PPHLN1: variants seen among roughly 807,000 people sequenced by gnomAD.
PPHLN1 encodes periphilin-1.
Under a neutral mutation model 51.3 loss-of-function variants are expected in PPHLN1, and 29 were observed. The ratio of observed to expected loss-of-function variants is 0.57; its 90% CI spans 0.42 to 0.77. The LOEUF is 0.77. Ranked by LOEUF, PPHLN1 falls within the 30% of genes least tolerant of loss-of-function variation. The pLI is 0.00. For synonymous variants in PPHLN1, 147 were observed against 147.8 expected, an observed-to-expected ratio of 0.99 and a Z score of 0.04; for missense variants, 436 against 438.4, an observed-to-expected ratio of 0.99 and a Z score of 0.05.
At chr12:42,370,592 C>T (rs754849813) in intron 4 of PPHLN1, among the ~76,000 whole-genome samples, 25 of 152,026 alleles carry the variant, frequency 1.6e-4, no homozygotes, top group Admixed American at 5.2e-4. Flanking sequence ...TTGTGTCTTG[C>T]GTTATCAGTT....
chr12:42,414,803 C>T (rs2080224946), intron 9 of PPHLN1, among the ~76,000 whole-genome samples: 1 of 152,216 alleles, frequency 6.6e-6, no homozygotes, highest in Admixed American at 6.5e-5. Flanking sequence ...GCTAGGCCTA[C>T]TCCATTGAAT....
chr12:42,425,383 G>A (rs377606113), intron 9 of PPHLN1, among the ~76,000 whole-genome samples: 62 of 148,124 alleles, frequency 4.2e-4, no homozygotes, highest in Middle Eastern at 3.8e-3. Context: ...GAGCCACTGC[G>A]CCCAGCCTAT....
chr12:42,401,066 C>A (rs531412100), intron 9 of PPHLN1, among the ~76,000 whole-genome samples: 2 of 152,114 alleles, frequency 1.3e-5, no homozygotes, highest in South Asian at 4.1e-4. Flanking sequence ...ATGTCACATG[C>A]CAGGTTTGAG....
rs10643805 is a variant in PPHLN1 at position 42,360,110 on chromosome 12, C to CAAAAAAAAAAAAAAAAAA, written c.299+4901_299+4902insAAAAAAAAAAAAAAAAAA. On this transcript the variant is annotated intron_variant, in intron 4 of 9. Transcript: ENST00000358314. ...TGGGTGACAGAGCAAGACTCCATCT[C>CAAAAAAAAAAAAAAAAAA]AAAAAAAAAAAAAGAAAAATTGCAA... Among the ~76,000 whole-genome samples, 200 of 123,004 alleles carry CAAAAAAAAAAAAAAAAAA rather than the reference C, an allele frequency of 1.6e-3. 2 individuals are homozygous for CAAAAAAAAAAAAAAAAAA. The highest frequency in any genetic ancestry group is 5.7e-3 in the African/African-American group (172 of 30,052). The allele number at this position is 123,004 out of a possible 152,430, so 80.7% of individuals were successfully genotyped here.
intron 1 of PPHLN1, among the ~76,000 whole-genome samples, chr12:42,326,628 T>C (rs893253550): frequency 6.6e-6 from 1 of 151,774 alleles, no homozygotes; most frequent in Non-Finnish European, 1.5e-5. Context: ...CTCAGTCTAG[T>C]TGGGGAGACG....
At chr12:42,391,719 A>C (rs905061052) in intron 7 of PPHLN1, among the ~76,000 whole-genome samples, 3 of 152,188 alleles carry the variant, frequency 2.0e-5, no homozygotes, top group Admixed American at 1.3e-4. Flanking sequence ...ATTACTGAGT[A>C]ATAATAAAAG....
intron 4 of PPHLN1, chr12:42,355,823 G>A (rs1033772264): frequency 6.6e-6 from 1 of 151,920 alleles, no homozygotes. Context: ...TGTGTGGTAT[G>A]GATTATGAGG....
At chr12:42,389,909 T>C (rs1396654475) in intron 7 of PPHLN1, among the ~76,000 whole-genome samples, 1 of 152,220 alleles carries the variant, frequency 6.6e-6, no homozygotes, top group Non-Finnish European at 1.5e-5. Flanking sequence ...AGGACATAGC[T>C]ACCCCTCACT....
intron 4 of PPHLN1, among the ~76,000 whole-genome samples, chr12:42,365,765 CCTAA>C (rs1168248520): frequency 2.0e-5 from 3 of 152,152 alleles, no homozygotes; most frequent in Non-Finnish European, 4.4e-5. Context: ...AAGACACTGT[CCTAA>C]CTCTCAGGCT....
rs1593056523 is a variant in PPHLN1, at chr12:42,441,842, T to C, written c.*333T>C. The C allele has an allele frequency of 9.7e-7, 1 of 1,027,012 alleles. No individual in the cohort carries two copies. The highest frequency in any genetic ancestry group is 8.6e-5 in the East Asian group (1 of 11,650). The allele number at this position is 1,027,012 out of a possible 1,614,324, so 63.6% of individuals were successfully genotyped here. A position where few individuals can be genotyped will look rare whatever the true frequency, so the allele number is the denominator to read the frequency against. On this transcript the variant is annotated 3_prime_UTR_variant, in exon 10 of 10. Coordinates refer to ENST00000358314, the MANE Select transcript of PPHLN1 (RefSeq NM_201439.2). ...GCCCAACACATATACCATCTGAAAA[T>C]GTTAGAATTCTGAGTTGTGATTTTA...
intron 5 of PPHLN1, among the ~76,000 whole-genome samples, chr12:42,380,068 G>A (rs2076629504): frequency 6.6e-6 from 1 of 151,982 alleles, no homozygotes; most frequent in South Asian, 2.1e-4. Flanking sequence ...AAACTCTTAA[G>A]TTATAAAATA....
chr12:42,373,911 T>C (rs1408105560), intron 4 of PPHLN1, among the ~76,000 whole-genome samples: 1 of 152,228 alleles, frequency 6.6e-6, no homozygotes, highest in African/African-American at 2.4e-5. Context: ...TTCTCAGTGT[T>C]GGCATTATTT....
At chr12:42,421,567 C>G (rs1309139686) in intron 9 of PPHLN1, among the ~76,000 whole-genome samples, 2 of 152,076 alleles carry the variant, frequency 1.3e-5, no homozygotes, top group African/African-American at 4.8e-5. Flanking sequence ...AGGCTGCTCT[C>G]GAACTCCTGA....
chr12:42,343,946 G>A (rs529314194), intron 2 of PPHLN1: 7 of 431,026 alleles, frequency 1.6e-5, no homozygotes, highest in Non-Finnish European at 2.8e-5. Flanking sequence ...AAGAATGTAT[G>A]TCATAGACTA....
chr12:42,348,313 G>A (rs1420761715), intron 2 of PPHLN1, among the ~76,000 whole-genome samples: 1 of 132,442 alleles, frequency 7.6e-6, no homozygotes, highest in East Asian at 2.2e-4. Flanking sequence ...GTAGAAACGG[G>A]GTTTCACCGT....
rs1388377771 is a variant in PPHLN1, at chr12:42,393,506, T to A, written c.649-64T>A. 4 of 1,451,090 alleles carry A rather than the reference T, an allele frequency of 2.8e-6. No individual in the cohort carries two copies. The African/African-American group carries it at 5.7e-5, about 21-fold the overall frequency. The allele number at this position is 1,451,090 out of a possible 1,614,324, so 89.9% of individuals were successfully genotyped here. On this transcript the variant is annotated intron_variant, in intron 7 of 9. Coordinates refer to ENST00000358314, the MANE Select transcript of PPHLN1 (RefSeq NM_201439.2). ...ATTTTAAATGTAAGTGGAGTGTACTTCTTGGTGTATTTGAAGTTTAAAAGC... is the reference window on the plus strand; with the variant it reads ...ATTTTAAATGTAAGTGGAGTGTACTACTTGGTGTATTTGAAGTTTAAAAGC...
At chr12:42,380,535 A>T (rs1432335055) in intron 5 of PPHLN1, among the ~76,000 whole-genome samples, 5 of 152,128 alleles carry the variant, frequency 3.3e-5, no homozygotes, top group Non-Finnish European at 5.9e-5. Flanking sequence ...TTTGAATGTC[A>T]ATCTAATAGA....
rs1268296699 is a variant in PPHLN1 at position 42,355,164 on chromosome 12, G to A, written c.241G>A (p.Glu81Lys). 2 of 1,613,334 alleles carry A rather than the reference G, an allele frequency of 1.2e-6. No homozygotes were observed. The highest frequency in any genetic ancestry group is 2.7e-5 in the African/African-American group (2 of 74,892). ...RRSGPPHRGD[E>K]SGYRWTRDDH... is the part of the protein sequence containing the mutation. Reference sequence around the variant, plus strand: ...AAGTAGCTTTTTTATGTTACAGGATGAATCTGGTTATAGATGGACAAGAGA... The same window carrying A: ...AAGTAGCTTTTTTATGTTACAGGATAAATCTGGTTATAGATGGACAAGAGA... Residue 81 changes from glutamate (E) to lysine (K), a missense_variant, in exon 4 of 10, where the codon GAA becomes AAA. By Grantham distance (56) the Glu-to-Lys change is moderately conservative. Coordinates refer to ENST00000358314, the MANE Select transcript of PPHLN1 (RefSeq NM_201439.2).
intron 4 of PPHLN1, among the ~76,000 whole-genome samples, chr12:42,368,718 TATTTTA>T (rs1373442999): frequency 6.6e-6 from 1 of 152,220 alleles, no homozygotes; most frequent in Non-Finnish European, 1.5e-5. Flanking sequence ...CTATGCAACA[TATTTTA>T]AGAAAGGCTT....
Sources: gnomAD v4.1 joint callset for allele counts (sites outside exome capture counted in the v4.1 genomes callset) on GRCh38, gnomAD v4.1.1 for gene constraint, MANE v1.5 for transcripts, NCBI Gene and HGNC (gene_info 2026-07-23, HGNC 2026-07-21) for gene names.